The following VRK3 variants were observed in gnomAD, a reference collection of about 807,000 sequenced individuals.
VRK3 encodes the protein serine/threonine-protein kinase VRK3.
VRK3 carries 50 observed loss-of-function variants against 60.4 expected under a neutral mutation model. The ratio of observed to expected loss-of-function variants is 0.83; its 90% CI spans 0.66 to 1.05. The LOEUF (loss-of-function observed/expected upper bound fraction) is 1.05. VRK3 is among the 50% of genes least tolerant of loss of function. The pLI, the probability that VRK3 is intolerant of heterozygous loss-of-function variation, is 0.00. For synonymous variants in VRK3, 246 were observed against 227.8 expected, an observed-to-expected ratio of 1.08 and a Z score of -0.72; for missense variants, 549 against 585.3, an observed-to-expected ratio of 0.94 and a Z score of 0.64.
intron 8 of VRK3, 65 bp downstream of exon 8, chr19:49,995,126 C>T: frequency 6.4e-7 from 1 of 1,555,010 alleles, no homozygotes; most frequent in East Asian, 2.3e-5. Flanking sequence ...CCAGCCATGC[C>T]TGGAGTCACA....
intron 2 of VRK3, among the ~76,000 whole-genome samples, chr19:50,020,072 C>T (rs1416363922): frequency 1.3e-5 from 2 of 150,232 alleles, no homozygotes; most frequent in Non-Finnish European, 3.0e-5. Context: ...TGGACTTTTG[C>T]TCTTGTTGCC....
intron 6 of VRK3, chr19:50,000,534 G>T (rs1465970701): frequency 5.6e-6 from 3 of 539,788 alleles, no homozygotes; most frequent in East Asian, 6.5e-5. Context: ...TGAGCTCTGA[G>T]GGGGATGGGC....
intron 14 of VRK3, among the ~76,000 whole-genome samples, 160 bp from the exon 15 acceptor site, chr19:49,976,944 T>G (rs1319698634): frequency 1.3e-5 from 2 of 152,036 alleles, no homozygotes; most frequent in Non-Finnish European, 2.9e-5. Context: ...CTGCTGGGCT[T>G]AGGATGAGGA....
At chr19:49,983,970 G>A (rs2076469543) in intron 12 of VRK3, among the ~76,000 whole-genome samples, 1 of 152,192 alleles carries the variant, frequency 6.6e-6, no homozygotes. Context: ...AGCTGGGGCT[G>A]TGGAATTACT....
intron 13 of VRK3, 74 bp downstream of exon 13, chr19:49,980,881 G>T: frequency 7.2e-7 from 1 of 1,386,638 alleles, no homozygotes; most frequent in Non-Finnish European, 1.0e-6. Flanking sequence ...GTAAGGAGAA[G>T]CCACCCCAAG....
Position 49,981,030 on chromosome 19 carries a change from A to G in VRK3, c.1218-17T>C. The G allele has an allele frequency of 6.2e-7, 1 of 1,611,352 alleles. No individual in the cohort carries two copies. The highest frequency in any genetic ancestry group is 8.5e-7 in the Non-Finnish European group (1 of 1,178,718). ...TCAACAAACCTGAAGGGACAGAAAC[A>G]CATGTGAAAGGTCTCTTAGGGAAAG... On this transcript the variant is annotated splice_polypyrimidine_tract_variant and intron_variant, in intron 12 of 14. Coordinates refer to ENST00000316763, the MANE Select transcript of VRK3 (RefSeq NM_016440.4).
intron 10 of VRK3, among the ~76,000 whole-genome samples, chr19:49,990,930 G>A (rs2076599942): frequency 6.6e-6 from 1 of 152,028 alleles, no homozygotes; most frequent in African/African-American, 2.4e-5. Flanking sequence ...AACCACATGT[G>A]TATGCCACTA....
intron 11 of VRK3, 28 bp from the exon 12 acceptor site, chr19:49,988,520 C>T: frequency 1.2e-6 from 2 of 1,608,314 alleles, no homozygotes; most frequent in Non-Finnish European, 1.7e-6. Context: ...AAGGTGGCAG[C>T]TCAAGTCTGG....
chr19:49,994,139 G>T (rs567309421), intron 9 of VRK3, among the ~76,000 whole-genome samples: 1 of 152,120 alleles, frequency 6.6e-6, no homozygotes, highest in Non-Finnish European at 1.5e-5. Context: ...TCAGCATGTC[G>T]CTCCCTTGGT....
rs1451232702 is a variant in VRK3 at position 49,995,272 on chromosome 19, T to C, written c.683A>G (p.Asn228Ser). 1 of 1,614,126 alleles carries C rather than the reference T, an allele frequency of 6.2e-7. No individual in the cohort carries two copies. Residue 228 changes from asparagine (N) to serine (S), a missense_variant, in exon 8 of 15, where the codon AAC becomes AGC. Transcript: ENST00000316763. ...GGTCGAGTACAGCTTCTTCCACTTG[T>C]TGACTGCGGAAAGCAGGGGCTTGAG... ...FQRAAKPLQV[N>S]KWKKLYSTPL...
chr19:50,002,993 T>C (rs1227207863), intron 5 of VRK3, among the ~76,000 whole-genome samples: 1 of 152,162 alleles, frequency 6.6e-6, no homozygotes, highest in Non-Finnish European at 1.5e-5. Context: ...CAGTGGCCGT[T>C]TTCCCGGCAT....
chr19:49,983,343 T>C (rs2076456464), intron 12 of VRK3, among the ~76,000 whole-genome samples: 1 of 152,214 alleles, frequency 6.6e-6, no homozygotes, highest in African/African-American at 2.4e-5. Context: ...GTTCTCCCTT[T>C]GAGATACAGC....
chr19:49,980,686 T>C (rs147763367), intron 13 of VRK3, among the ~76,000 whole-genome samples: 1,671 of 151,970 alleles, frequency 0.011, 26 homozygotes, highest in African/African-American at 0.038. Flanking sequence ...CATTGCACTC[T>C]AGCCTGGATG....
At chr19:49,985,202 G>A (rs976867369) in intron 12 of VRK3, among the ~76,000 whole-genome samples, 5 of 152,162 alleles carry the variant, frequency 3.3e-5, no homozygotes, top group Admixed American at 2.0e-4. Context: ...CACTCATTCT[G>A]TGACTCGTTT....
At position 49,976,711 on chromosome 19, in the gene VRK3, T is replaced by A. The variant is rs1485742310; in HGVS notation, c.*85A>T. The A allele has an allele frequency of 6.6e-6, 1 of 152,368 alleles. No individual in the cohort carries two copies. The highest frequency in any genetic ancestry group is 2.4e-5 in the African/African-American group (1 of 41,374). The allele number at this position is 152,368 out of a possible 1,614,324, so 9.4% of individuals were successfully genotyped here. On this transcript the variant is annotated 3_prime_UTR_variant, in exon 15 of 15. Transcript: ENST00000316763. ...CCAGGGCTTGTTCTAGAAGCTTATC[T>A]GTGATTAAACAGCAGGCCTTGAGTC...
At chr19:50,004,095 C>T (rs2076854281) in intron 5 of VRK3, among the ~76,000 whole-genome samples, 1 of 152,204 alleles carries the variant, frequency 6.6e-6, no homozygotes, top group Non-Finnish European at 1.5e-5. Flanking sequence ...ACAGGCTGGG[C>T]ACTGGGGTTT....
At chr19:50,000,549 C>T in intron 6 of VRK3, 1 of 562,208 alleles carries the variant, frequency 1.8e-6, no homozygotes, top group Non-Finnish European at 3.2e-6. Flanking sequence ...ATGGGCTTGC[C>T]CAGGTCACAC....
At chr19:49,996,611 T>G (rs2076708909) in intron 7 of VRK3, among the ~76,000 whole-genome samples, 1 of 152,240 alleles carries the variant, frequency 6.6e-6, no homozygotes, top group Non-Finnish European at 1.5e-5. Flanking sequence ...TGTAAAATTA[T>G]GTAACTTATT....
rs2076729657 is a variant in VRK3, at chr19:49,997,687, C to A, written c.613-117G>T. 5.4e-6 allele frequency: 6 copies of A among 1,107,236 alleles called. No homozygotes were observed. In the African/African-American group the frequency reaches 6.2e-5, roughly 12 times the overall value. 68.6% of individuals were successfully genotyped at this position (1,107,236 alleles called of 1,614,324 possible). A position where few individuals can be genotyped will look rare whatever the true frequency, so the allele number is the denominator to read the frequency against. On this transcript the variant is annotated intron_variant, in intron 6 of 14. Transcript: ENST00000316763. ...GACCAGGCTCCTCATCAAGTCCCCA[C>A]ATCGGAGCCAAATTCCTCAGGTACT...
Sources: allele counts gnomAD v4.1 joint callset (sites outside exome capture counted in the v4.1 genomes callset), GRCh38; gene constraint gnomAD v4.1.1; transcripts MANE v1.5; gene names NCBI Gene and HGNC (gene_info 2026-07-23, HGNC 2026-07-21).